The following FMN2 variants were observed in gnomAD, a reference collection of about 807,000 sequenced individuals.
FMN2 encodes the protein formin 2, also known as formin-2.
FMN2 carries 51 observed loss-of-function variants against 142.3 expected under a neutral mutation model. The ratio of observed to expected loss-of-function variants is 0.36; its 90% CI spans 0.29 to 0.45. The LOEUF (loss-of-function observed/expected upper bound fraction) is 0.45, where lower values mean the gene tolerates loss of function less well. Among genes scored for constraint, FMN2 ranks in the 20% least tolerant of loss-of-function variants. The pLI is 1.00. For missense variants in FMN2, 1,936 were observed against 2,122.8 expected (o/e 0.91, Z 1.73); for synonymous variants, 882 against 869.8 (o/e 1.01, Z -0.25).
chr1:240,132,754 C>T (rs1362905702), intron 2 of FMN2, among the ~76,000 whole-genome samples: 1 of 152,058 alleles, frequency 6.6e-6, no homozygotes, highest in Non-Finnish European at 1.5e-5. Flanking sequence ...GGAATACTCT[C>T]TAGATGATCA....
chr1:240,306,404 ATGTTTCAGCCCT>A (rs1366710374), intron 8 of FMN2, among the ~76,000 whole-genome samples: 1 of 152,108 alleles, frequency 6.6e-6, no homozygotes, highest in African/African-American at 2.4e-5. Context: ...CCAACAGGAC[ATGTTTCAGCCCT>A]TGTTCCTCTC....
rs1162567938 is a variant in FMN2 at position 240,314,448 on chromosome 1, T to C, written c.4216-14628T>C. On this transcript the variant is annotated intron_variant, in intron 8 of 17. Coordinates refer to ENST00000319653, the MANE Select transcript of FMN2 (RefSeq NM_020066.5). ...TTAAATCACAGGCCTGTCTTCAATATGTACTGACCTGAAATGAAAAAATAG... is the reference window on the plus strand; with the variant it reads ...TTAAATCACAGGCCTGTCTTCAATACGTACTGACCTGAAATGAAAAAATAG... Among the ~76,000 whole-genome samples, 3 of 152,308 alleles carry C rather than the reference T, an allele frequency of 2.0e-5. No homozygotes were observed. The East Asian group carries it at 5.8e-4, about 29-fold the overall frequency.
chr1:240,275,804 C>T (rs1669187584), intron 7 of FMN2, among the ~76,000 whole-genome samples: 1 of 152,208 alleles, frequency 6.6e-6, no homozygotes, highest in African/African-American at 2.4e-5. Context: ...GAGATAGTGT[C>T]TCACTGTGGT....
At position 240,092,928 on chromosome 1, in the gene FMN2, G is replaced by GTCCGCGCTC; in HGVS notation, c.824_832dup (p.Ala275_Ser277dup). On this transcript the variant is annotated inframe_insertion, in exon 1 of 18. Transcript: ENST00000319653. ...GCAGTCCGGACACCGAGCAGGCGCT[G>GTCCGCGCTC]TCCGCGCTCTCCGACCTGCCCGAGA... 7 of 1,470,870 alleles carry GTCCGCGCTC rather than the reference G, an allele frequency of 4.8e-6. No homozygotes were observed. The highest frequency in any genetic ancestry group is 6.3e-6 in the Non-Finnish European group (7 of 1,119,112). 91.1% of individuals were successfully genotyped at this position (1,470,870 alleles called of 1,614,324 possible). A position where few individuals can be genotyped will look rare whatever the true frequency, so the allele number is the denominator to read the frequency against.
At chr1:240,269,063 A>G (rs1668907330) in intron 7 of FMN2, among the ~76,000 whole-genome samples, 1 of 151,846 alleles carries the variant, frequency 6.6e-6, no homozygotes, top group African/African-American at 2.4e-5. Context: ...ATGCCATCCC[A>G]TTTGTCTATT....
intron 14 of FMN2, among the ~76,000 whole-genome samples, chr1:240,370,845 T>C (rs1672840953): frequency 6.6e-6 from 1 of 152,236 alleles, no homozygotes; most frequent in African/African-American, 2.4e-5. Flanking sequence ...AATGTTAGTA[T>C]AATAAATTAT....
intron 13 of FMN2, among the ~76,000 whole-genome samples, chr1:240,337,585 A>G (rs185255798): frequency 6.6e-6 from 1 of 152,214 alleles, no homozygotes. Flanking sequence ...ATTTATCTCA[A>G]TACCTTTCAT....
chr1:240,182,047 A>G (rs1665177233), intron 3 of FMN2, among the ~76,000 whole-genome samples: 1 of 152,218 alleles, frequency 6.6e-6, no homozygotes, highest in East Asian at 1.9e-4. Flanking sequence ...TGAGTGAATG[A>G]TGAAATTCTT....
At chr1:240,180,261 A>G (rs1198373815) in intron 3 of FMN2, 30 of 926,658 alleles carry the variant, frequency 3.2e-5, no homozygotes, top group Non-Finnish European at 4.3e-5. Flanking sequence ...TTTTTTCATC[A>G]GAGTGATCTA....
rs189500993 is a variant in FMN2, at chr1:240,294,008, G to A, written c.4154-814G>A. Among the ~76,000 whole-genome samples the A allele has an allele frequency of 7.2e-4, 110 of 152,080 alleles. 1 individual carries two copies. The highest frequency in any genetic ancestry group is 2.5e-3 in the African/African-American group (104 of 41,480). The stretch of plus-strand genomic sequence containing the variant: ...TTATTCACTTGGTGATTTTTGTCCC[G>A]GAAATTTTTAACTCCCCAAGAGCTT... On this transcript the variant is annotated intron_variant, in intron 7 of 17. Transcript: ENST00000319653.
chr1:240,115,165 G>A (rs1558302484), intron 1 of FMN2, among the ~76,000 whole-genome samples: 1 of 152,086 alleles, frequency 6.6e-6, no homozygotes, highest in East Asian at 1.9e-4. Context: ...TATTTAATAT[G>A]TTTAAATCAA....
intron 16 of FMN2, among the ~76,000 whole-genome samples, chr1:240,452,282 A>G (rs1676086414): frequency 2.0e-5 from 3 of 152,250 alleles, no homozygotes; most frequent in Non-Finnish European, 4.4e-5. Context: ...GCATTCATTT[A>G]GAATTTCAAA....
chr1:240,258,454 G>A (rs1451801669), intron 7 of FMN2, among the ~76,000 whole-genome samples: 1 of 152,142 alleles, frequency 6.6e-6, no homozygotes, highest in Non-Finnish European at 1.5e-5. Flanking sequence ...TTGGCAGAAA[G>A]AAGGAAAGAG....
intron 6 of FMN2, among the ~76,000 whole-genome samples, chr1:240,238,244 G>A (rs532509708): frequency 3.9e-5 from 6 of 152,302 alleles, no homozygotes; most frequent in Non-Finnish European, 8.8e-5. Flanking sequence ...GGACTGATTC[G>A]AGGAACATTT....
intron 13 of FMN2, among the ~76,000 whole-genome samples, chr1:240,350,913 G>A (rs1394526453): frequency 6.6e-6 from 1 of 152,150 alleles, no homozygotes; most frequent in Non-Finnish European, 1.5e-5. Context: ...ACATTTTGCA[G>A]ATAAACAAGA....
rs36115091 is a variant in FMN2 at position 240,205,456 on chromosome 1, C to CTTT, written c.1987-1322_1987-1320dup. ...ACCCTTAAGAAGGCAATGCTCTTTC[C>CTTT]TTTTTTTTTTTTTTTTTTTTTTTGA... On this transcript the variant is annotated intron_variant, in intron 4 of 17. Coordinates refer to ENST00000319653, the MANE Select transcript of FMN2 (RefSeq NM_020066.5). Among the ~76,000 whole-genome samples the CTTT allele has an allele frequency of 3.1e-3, 306 of 97,486 alleles. 1 individual carries two copies. The highest frequency in any genetic ancestry group is 8.3e-3 in the African/African-American group (191 of 23,096). 64.0% of individuals were successfully genotyped at this position (97,486 alleles called of 152,430 possible).
At chr1:240,365,238 CACAT>C (rs1672627508) in intron 14 of FMN2, among the ~76,000 whole-genome samples, 6 of 105,876 alleles carry the variant, frequency 5.7e-5, no homozygotes, top group African/African-American at 3.0e-4. Context: ...CATATATATA[CACAT>C]ATACATACAT....
In FMN2 at chr1:240,353,627, C is replaced by T. The variant is rs375023797; in HGVS notation, c.4766-2189C>T. Reference sequence around the variant, plus strand: ...TGTGGTAGTTGATATTGAATCCCACCTCCTCAACTTGTGAACTATAGAAAT... The same window carrying T: ...TGTGGTAGTTGATATTGAATCCCACTTCCTCAACTTGTGAACTATAGAAAT... On this transcript the variant is annotated intron_variant, in intron 13 of 17. Coordinates refer to ENST00000319653, the MANE Select transcript of FMN2 (RefSeq NM_020066.5). Among the ~76,000 whole-genome samples the T allele has an allele frequency of 3.9e-5, 6 of 152,280 alleles. No homozygotes were observed. The East Asian group carries it at 1.2e-3, about 29-fold the overall frequency.
At chr1:240,264,722 T>C (rs904097906) in intron 7 of FMN2, among the ~76,000 whole-genome samples, 6 of 152,240 alleles carry the variant, frequency 3.9e-5, no homozygotes, top group African/African-American at 1.2e-4. Flanking sequence ...TATTCTTTTT[T>C]ATGGCTGCAT....
Sources: allele counts gnomAD v4.1 joint callset (sites outside exome capture counted in the v4.1 genomes callset), GRCh38; gene constraint gnomAD v4.1.1; transcripts MANE v1.5; gene names NCBI Gene and HGNC (gene_info 2026-07-23, HGNC 2026-07-21).